RB1: variants seen among roughly 807,000 people sequenced by gnomAD.
RB1 encodes RB transcriptional corepressor 1.
A neutral mutation model predicts 135.4 loss-of-function variants in RB1; 18 were observed. The ratio of observed to expected loss-of-function variants is 0.13; its 90% CI spans 0.09 to 0.20. RB1 has a LOEUF of 0.20. Among genes scored for constraint, RB1 ranks in the 10% least tolerant of loss-of-function variants. RB1 has a pLI of 1.00. For synonymous variants in RB1, 365 were observed against 373.2 expected (o/e 0.98, Z 0.25); for missense variants, 868 against 1,110.0 (o/e 0.78, Z 3.10).
chr13:48,372,630 G>C (rs1188649537), intron 11 of RB1, among the ~76,000 whole-genome samples: 4 of 150,656 alleles, frequency 2.7e-5, no homozygotes, highest in Non-Finnish European at 5.9e-5. Flanking sequence ...CAGCCTGGGC[G>C]ACAGAGCAAG....
chr13:48,451,354 G>T (rs954181681), intron 17 of RB1, among the ~76,000 whole-genome samples: 4 of 152,048 alleles, frequency 2.6e-5, no homozygotes, highest in Non-Finnish European at 4.4e-5. Context: ...TTTATCAAAG[G>T]CCTCTTCTGC....
chr13:48,412,714 A>T (rs1948838249), intron 17 of RB1: 1 of 457,256 alleles, frequency 2.2e-6, no homozygotes, highest in East Asian at 4.6e-5. Context: ...TAAAAAATAC[A>T]GTCAACGAGT....
chr13:48,368,488 A>G, intron 10 of RB1, 39 bp from the exon 11 acceptor site: 1 of 1,610,968 alleles, frequency 6.2e-7, no homozygotes, highest in Non-Finnish European at 8.5e-7. Context: ...CAAATTGTAA[A>G]TTTTCAGTAT....
At chr13:48,443,106 A>G (rs1379735390) in intron 17 of RB1, among the ~76,000 whole-genome samples, 1 of 151,922 alleles carries the variant, frequency 6.6e-6, no homozygotes, top group African/African-American at 2.4e-5. Flanking sequence ...AAATTATGTC[A>G]TTGATATAAC....
intron 2 of RB1, chr13:48,317,453 C>A: frequency 2.4e-6 from 1 of 418,370 alleles, no homozygotes; most frequent in South Asian, 2.6e-5. Context: ...GAGTCCCTTT[C>A]AGCTTCCTGG....
intron 17 of RB1, among the ~76,000 whole-genome samples, chr13:48,388,819 A>C (rs778214425): frequency 6.6e-6 from 1 of 152,144 alleles, no homozygotes; most frequent in Non-Finnish European, 1.5e-5. Flanking sequence ...AAAGAGATTG[A>C]AATAGAACAG....
chr13:48,436,107 T>A (rs1949180752), intron 17 of RB1, among the ~76,000 whole-genome samples: 1 of 152,170 alleles, frequency 6.6e-6, no homozygotes, highest in Non-Finnish European at 1.5e-5. Flanking sequence ...AATTTTAAGA[T>A]TTGTACTATG....
Position 48,473,361 on chromosome 13 carries a change from A to G in RB1, c.2491A>G (p.Ile831Val), listed in dbSNP as rs761068783. The change falls in exon 24 of 27, where the codon ATC becomes GTC. Residue 831 changes from isoleucine to valine, a missense_variant and splice_region_variant. Physicochemically the swap from Ile to Val is conservative, Grantham distance 29. Transcript: ENST00000267163. ...TPTKMTPRSR[I>V]LVSIGESFGT... ...TGGTATTTCATCTTAACTTGACAGA[A>G]TCTTAGTATCAATTGGTGAATCATT... 24 of 1,574,358 alleles carry G rather than the reference A, an allele frequency of 1.5e-5. No individual in the cohort carries two copies. The highest frequency in any genetic ancestry group is 3.6e-4 in the Middle Eastern group (2 of 5,558).
intron 4 of RB1, among the ~76,000 whole-genome samples, chr13:48,346,473 T>C (rs1470729147): frequency 1.3e-5 from 2 of 151,178 alleles, no homozygotes; most frequent in African/African-American, 4.8e-5. Flanking sequence ...TTAAACTTGT[T>C]TACAACCTTT....
chr13:48,475,515 C>T (rs918078743), intron 24 of RB1, among the ~76,000 whole-genome samples: 12 of 152,230 alleles, frequency 7.9e-5, no homozygotes, highest in African/African-American at 2.9e-4. Context: ...AACATGGCAG[C>T]TTGCTTTGCC....
At chr13:48,458,509 C>T (rs986884861) in intron 19 of RB1, among the ~76,000 whole-genome samples, 4 of 152,044 alleles carry the variant, frequency 2.6e-5, no homozygotes, top group Admixed American at 1.3e-4. Flanking sequence ...TTCAAAGTGT[C>T]GTTCCCAACC....
intron 17 of RB1, among the ~76,000 whole-genome samples, chr13:48,419,455 C>T (rs750933048): frequency 1.3e-5 from 2 of 151,810 alleles, no homozygotes; most frequent in Non-Finnish European, 2.9e-5. Flanking sequence ...AAATTGACAC[C>T]CTAACATCAC....
chr13:48,376,876 C>T (rs370913997), intron 12 of RB1, 42 bp from the exon 13 acceptor site: 56 of 1,610,894 alleles, frequency 3.5e-5, no homozygotes, highest in Non-Finnish European at 4.7e-5. Context: ...ATTCTGATTA[C>T]ACAGTATCCT....
At chr13:48,306,862 T>C (rs4151427) in intron 1 of RB1, among the ~76,000 whole-genome samples, 1,650 of 152,318 alleles carry the variant, frequency 0.011, 31 homozygotes, top group African/African-American at 0.038. Flanking sequence ...GAGAGATATA[T>C]GAAACATTGA....
intron 11 of RB1, 65 bp from the exon 12 acceptor site, chr13:48,373,340 A>C (rs1384267636): frequency 4.1e-6 from 4 of 980,732 alleles, no homozygotes; most frequent in Admixed American, 1.8e-5. Flanking sequence ...GATGGAAAAC[A>C]TTTCATTTTT....
At chr13:48,318,944 A>C (rs1952210524) in intron 2 of RB1, 1 of 963,282 alleles carries the variant, frequency 1.0e-6, no homozygotes, top group African/African-American at 1.6e-5. Context: ...AGGCACGTTC[A>C]GGGAGTAGAA....
chr13:48,422,206 T>C (rs1373414080), intron 17 of RB1, among the ~76,000 whole-genome samples: 1 of 152,224 alleles, frequency 6.6e-6, no homozygotes, highest in Non-Finnish European at 1.5e-5. Flanking sequence ...GATGAGTTCA[T>C]GTCCTTTGCA....
rs367668687 is a variant in RB1 at position 48,456,276 on chromosome 13, G to C, written c.1887G>C (p.Glu629Asp). Residue 629 changes from glutamate (E) to aspartate (D), a missense_variant, in exon 19 of 27, where the codon GAG becomes GAC. By Grantham distance (45) the Glu-to-Asp change is conservative. Around this residue, in one of 3 missense-constraint regions of RB1, gnomAD observed 641 missense variants for 791.3 expected, o/e 0.81. Transcript: ENST00000267163. ...TTRVNSTANA[E>D]TQATSAFQTQ... ...GTGTAAATTCTACTGCAAATGCAGAGACACAAGCAACCTCAGCCTTCCAGA... is the reference window on the plus strand; with the variant it reads ...GTGTAAATTCTACTGCAAATGCAGACACACAAGCAACCTCAGCCTTCCAGA... The C allele has an allele frequency of 3.6e-5, 58 of 1,614,068 alleles. No individual in the cohort carries two copies. Among genetic ancestry groups the C allele is most frequent in the Non-Finnish European group, 4.7e-5 (56 of 1,180,050 alleles).
intron 19 of RB1, 33 bp from the exon 20 acceptor site, chr13:48,459,655 A>G: frequency 6.2e-7 from 1 of 1,612,388 alleles, no homozygotes; most frequent in Non-Finnish European, 8.5e-7. Context: ...CAAAATGAAC[A>G]GTAAAAATGA....
Sources: gnomAD v4.1 joint callset for allele counts (sites outside exome capture counted in the v4.1 genomes callset) on GRCh38, gnomAD v4.1.1 for gene constraint, gnomAD v4.1.1 regional missense constraint, MANE v1.5 for transcripts, NCBI Gene and HGNC (gene_info 2026-07-23, HGNC 2026-07-21) for gene names.